HCRTR2: variants seen among roughly 807,000 people sequenced by gnomAD.
HCRTR2 encodes the protein hypocretin receptor 2.
In HCRTR2, 22 loss-of-function variants were observed where a neutral mutation model predicts 49.0. The observed-to-expected ratio is 0.45, with a 90% CI of 0.32 to 0.64. The LOEUF is 0.64. HCRTR2 is among the 30% of genes least tolerant of loss of function. HCRTR2 has a pLI of 0.04. For missense variants in HCRTR2, 491 were observed against 559.4 expected, an observed-to-expected ratio of 0.88 and a Z score of 1.23; for synonymous variants, 236 against 205.3, an observed-to-expected ratio of 1.15 and a Z score of -1.28.
At chr6:55,272,694 T>C (rs1766996150) in intron 4 of HCRTR2, among the ~76,000 whole-genome samples, 1 of 151,878 alleles carries the variant, frequency 6.6e-6, no homozygotes, top group Admixed American at 6.6e-5. Context: ...GAGACTATAA[T>C]AGGAATTATC....
At chr6:55,199,699 A>C (rs1390893084) in intron 1 of HCRTR2, among the ~76,000 whole-genome samples, 2 of 152,318 alleles carry the variant, frequency 1.3e-5, no homozygotes, top group African/African-American at 4.8e-5. Flanking sequence ...AATTTCGAAA[A>C]AAATATTAAC....
At chr6:55,187,692 T>TTC (rs1765246027) in intron 1 of HCRTR2, among the ~76,000 whole-genome samples, 1 of 148,020 alleles carries the variant, frequency 6.8e-6, no homozygotes, top group African/African-American at 2.5e-5. Context: ...CTTTTTTTTT[T>TTC]TTTTTTTTTT....
In HCRTR2 at chr6:55,228,297, G is replaced by A. The variant is rs184802506; in HGVS notation, c.224-20342G>A. Among the ~76,000 whole-genome samples, 346 of 152,070 alleles carry A rather than the reference G, an allele frequency of 2.3e-3. 2 individuals are homozygous for A. Among genetic ancestry groups the A allele is most frequent in the African/African-American group, 8.1e-3 (336 of 41,474 alleles). On this transcript the variant is annotated intron_variant, in intron 1 of 6. Transcript: ENST00000370862. ...CACAACAAAGAATTTCTACATAGAAGTTGAAAAGACAGCAACAGAGTTTAG... is the reference window on the plus strand; with the variant it reads ...CACAACAAAGAATTTCTACATAGAAATTGAAAAGACAGCAACAGAGTTTAG...
intron 1 of HCRTR2, among the ~76,000 whole-genome samples, chr6:55,176,389 A>G (rs914049976): frequency 6.6e-6 from 1 of 152,200 alleles, no homozygotes; most frequent in African/African-American, 2.4e-5. Context: ...TTATAAGCAT[A>G]ATTCTGTTGA....
At chr6:55,200,669 T>A (rs1765497578) in intron 1 of HCRTR2, among the ~76,000 whole-genome samples, 1 of 152,192 alleles carries the variant, frequency 6.6e-6, no homozygotes, top group Non-Finnish European at 1.5e-5. Context: ...ATTCACTAAA[T>A]TAAAAACTAA....
chr6:55,242,693 G>A (rs1014234741), intron 1 of HCRTR2, among the ~76,000 whole-genome samples: 2 of 152,248 alleles, frequency 1.3e-5, no homozygotes, highest in Middle Eastern at 3.4e-3. Flanking sequence ...TACATATGCA[G>A]TTTACATGTT....
chr6:55,136,786 C>T (rs1764440107), intron 1 of HCRTR2, among the ~76,000 whole-genome samples: 1 of 152,110 alleles, frequency 6.6e-6, no homozygotes, highest in Non-Finnish European at 1.5e-5. Context: ...TAGCTGGAAC[C>T]TACAAGGCTC....
intron 1 of HCRTR2, among the ~76,000 whole-genome samples, chr6:55,108,783 A>G (rs1259837877): frequency 6.6e-6 from 1 of 152,034 alleles, no homozygotes; most frequent in Non-Finnish European, 1.5e-5. Context: ...TAATTTTGTA[A>G]TAATTTCAAC....
intron 2 of HCRTR2, among the ~76,000 whole-genome samples, chr6:55,252,083 A>G (rs1394583675): frequency 3.9e-5 from 6 of 152,192 alleles, no homozygotes; most frequent in Admixed American, 6.6e-5. Context: ...TACATTGCAC[A>G]TAATTGTATA....
intron 1 of HCRTR2, among the ~76,000 whole-genome samples, chr6:55,136,724 C>T (rs1319236380): frequency 6.6e-6 from 1 of 152,100 alleles, no homozygotes; most frequent in African/African-American, 2.4e-5. Flanking sequence ...TGACTATTGC[C>T]TTAAAATTTT....
chr6:55,231,645 A>C (rs978206617), intron 1 of HCRTR2, among the ~76,000 whole-genome samples: 2 of 152,252 alleles, frequency 1.3e-5, no homozygotes, highest in East Asian at 3.9e-4. Flanking sequence ...CCATCCAAAA[A>C]ATTGAGTGAA....
chr6:55,212,513 C>T (rs1198484674), intron 1 of HCRTR2, among the ~76,000 whole-genome samples: 2 of 152,144 alleles, frequency 1.3e-5, no homozygotes, highest in African/African-American at 4.8e-5. Context: ...AAAGATTTTG[C>T]TTTCTGCTGT....
intron 1 of HCRTR2, among the ~76,000 whole-genome samples, chr6:55,125,665 G>A (rs1033985247): frequency 6.6e-6 from 1 of 152,164 alleles, no homozygotes; most frequent in Non-Finnish European, 1.5e-5. Flanking sequence ...GGCCTGTCTT[G>A]CTAGGTTGGG....
chr6:55,192,665 G>A (rs1196138657), intron 1 of HCRTR2, among the ~76,000 whole-genome samples: 5 of 152,130 alleles, frequency 3.3e-5, no homozygotes, highest in Admixed American at 3.3e-4. Flanking sequence ...ACATTGATAA[G>A]TAAGGTAAGT....
At chr6:55,270,849 C>T (rs1337441480) in intron 4 of HCRTR2, among the ~76,000 whole-genome samples, 1 of 152,076 alleles carries the variant, frequency 6.6e-6, no homozygotes, top group Non-Finnish European at 1.5e-5. Flanking sequence ...TCAATCGGTA[C>T]ACAACATATA....
At chr6:55,141,726 A>C (rs1764510732) in intron 1 of HCRTR2, among the ~76,000 whole-genome samples, 1 of 152,188 alleles carries the variant, frequency 6.6e-6, no homozygotes, top group Admixed American at 6.5e-5. Context: ...CAAACAATAC[A>C]ACTGGACAGA....
At chr6:55,216,741 T>C (rs1765794030) in intron 1 of HCRTR2, among the ~76,000 whole-genome samples, 1 of 152,210 alleles carries the variant, frequency 6.6e-6, no homozygotes, top group Admixed American at 6.5e-5. Flanking sequence ...TGCCTGCAGC[T>C]TTCCCAGGTG....
intron 1 of HCRTR2, among the ~76,000 whole-genome samples, chr6:55,242,549 A>G (rs1417957934): frequency 6.6e-6 from 1 of 152,240 alleles, no homozygotes; most frequent in Non-Finnish European, 1.5e-5. Context: ...TATTTAGTAC[A>G]GATCCTTTTG....
intron 1 of HCRTR2, among the ~76,000 whole-genome samples, chr6:55,152,331 T>C (rs1358527369): frequency 6.6e-6 from 1 of 152,004 alleles, no homozygotes; most frequent in Non-Finnish European, 1.5e-5. Flanking sequence ...TGATTAGAAG[T>C]GTTGAGGATC....
Sources: gnomAD v4.1 joint callset for allele counts (sites outside exome capture counted in the v4.1 genomes callset) on GRCh38, gnomAD v4.1.1 for gene constraint, MANE v1.5 for transcripts, NCBI Gene and HGNC (gene_info 2026-07-23, HGNC 2026-07-21) for gene names.